Variants in BCL11A observed in about 807,000 individuals in gnomAD.
The protein encoded by BCL11A is BCL11 transcription factor A.
In BCL11A, 2 loss-of-function variants were observed where a neutral mutation model predicts 55.9. The observed-to-expected ratio is 0.04, with a 90% CI of 0.01 to 0.11. The LOEUF is 0.11. Among genes scored for constraint, BCL11A ranks in the 10% least tolerant of loss-of-function variants. The pLI is 1.00. For synonymous variants in BCL11A, 465 were observed against 473.4 expected (o/e 0.98, Z 0.23); for missense variants, 817 against 1,137.1 (o/e 0.72, Z 4.05).
intron 2 of BCL11A, among the ~76,000 whole-genome samples, chr2:60,512,585 A>C (rs1031495897): frequency 5.3e-5 from 8 of 152,174 alleles, no homozygotes; most frequent in African/African-American, 1.9e-4. Flanking sequence ...AAATTGTAAA[A>C]AGTGAGACTA....
chr2:60,536,516 T>C (rs1669676753), intron 2 of BCL11A: 1 of 152,098 alleles, frequency 6.6e-6, no homozygotes, highest in African/African-American at 2.4e-5. Context: ...TTACTCTACA[T>C]GAGTAGAGTT....
At chr2:60,516,461 A>G (rs1013770228) in intron 2 of BCL11A, among the ~76,000 whole-genome samples, 4 of 152,222 alleles carry the variant, frequency 2.6e-5, no homozygotes, top group Admixed American at 6.5e-5. Context: ...GCCACTCACT[A>G]TATTTCTCAG....
intron 2 of BCL11A, among the ~76,000 whole-genome samples, chr2:60,540,674 G>A (rs1669878547): frequency 6.6e-6 from 1 of 152,130 alleles, no homozygotes; most frequent in South Asian, 2.1e-4. Flanking sequence ...CATGGAAGCT[G>A]CAGTGTGAAA....
At chr2:60,533,559 A>G (rs1372801342) in intron 2 of BCL11A, 1 of 152,016 alleles carries the variant, frequency 6.6e-6, no homozygotes, top group African/African-American at 2.4e-5. Flanking sequence ...AAGTATGAAG[A>G]TTTTTTTTGA....
intron 2 of BCL11A, among the ~76,000 whole-genome samples, chr2:60,511,054 G>A (rs1048190363): frequency 6.6e-6 from 1 of 152,212 alleles, no homozygotes. Context: ...GGGCTGTGCA[G>A]CCAACTGCGT....
At chr2:60,518,404 T>C (rs777929103) in intron 2 of BCL11A, among the ~76,000 whole-genome samples, 3 of 152,216 alleles carry the variant, frequency 2.0e-5, no homozygotes, top group Non-Finnish European at 2.9e-5. Flanking sequence ...ACATTTAATT[T>C]AGTTTTAAAA....
intron 2 of BCL11A, chr2:60,534,081 A>G (rs1314959020): frequency 5.3e-5 from 8 of 152,262 alleles, no homozygotes; most frequent in African/African-American, 1.9e-4. Flanking sequence ...TCAATAATAC[A>G]GCACAGGTTA....
intron 1 of BCL11A, among the ~76,000 whole-genome samples, chr2:60,550,067 C>A (rs955872581): frequency 1.3e-5 from 2 of 151,994 alleles, no homozygotes; most frequent in African/African-American, 4.8e-5. Flanking sequence ...CCACCGAGGT[C>A]TGTGCTTTGC....
intron 2 of BCL11A, among the ~76,000 whole-genome samples, chr2:60,529,146 C>G (rs967095507): frequency 1.3e-5 from 2 of 152,244 alleles, no homozygotes; most frequent in African/African-American, 4.8e-5. Flanking sequence ...CCCTGCTCTT[C>G]TCTCATCCCA....
rs1676110062 is a variant in BCL11A, at chr2:60,459,416, C to T, written c.*988G>A. 2.0e-6 allele frequency: 2 copies of T among 1,022,124 alleles called. No individual in the cohort carries two copies. The highest frequency in any genetic ancestry group is 1.7e-5 in the African/African-American group (1 of 58,614). The allele number at this position is 1,022,124 out of a possible 1,614,324, so 63.3% of individuals were successfully genotyped here. A position where few individuals can be genotyped will look rare whatever the true frequency, so the allele number is the denominator to read the frequency against. On this transcript the variant is annotated 3_prime_UTR_variant, in exon 4 of 4. Transcript: ENST00000642384. ...AAAAATAAAACTTTGGGCAAAACAG[C>T]CCATTTCTTTTAAGCTCTCACCAGG...
chr2:60,476,194 G>T (rs138172464), intron 2 of BCL11A, among the ~76,000 whole-genome samples: 341 of 152,284 alleles, frequency 2.2e-3, no homozygotes, highest in African/African-American at 7.9e-3. Flanking sequence ...TTGGTCCCCA[G>T]GCTAATCCTT....
At chr2:60,467,900 G>A (rs1478534742) in intron 3 of BCL11A, among the ~76,000 whole-genome samples, 6 of 93,706 alleles carry the variant, frequency 6.4e-5, no homozygotes, top group Non-Finnish European at 1.4e-4. Flanking sequence ...AGTGATGGTG[G>A]TGGTAATGGT....
chr2:60,453,347 G>A (rs1457435536), downstream of BCL11A, among the ~76,000 whole-genome samples: 2 of 152,246 alleles, frequency 1.3e-5, no homozygotes, highest in Non-Finnish European at 2.9e-5. Flanking sequence ...CTCCCTTGCT[G>A]TGGACATTGA....
chr2:60,461,412 C>G lies in BCL11A; in HGVS notation c.1500G>C (p.Glu500Asp). The G allele has an allele frequency of 6.2e-7, 1 of 1,603,988 alleles. No individual in the cohort carries two copies. The highest frequency in any genetic ancestry group is 8.5e-7 in the Non-Finnish European group (1 of 1,178,300). The change falls in exon 4 of 4, where the codon GAG becomes GAC. Residue 500 changes from glutamate (E) to aspartate (D), a missense_variant. By Grantham distance (45) the Glu-to-Asp change is conservative. This residue lies in a region of BCL11A where 379 missense variants were observed against 425.3 expected (regional missense o/e 0.89). Transcript: ENST00000642384. ...CGCTCTCCGTCAGCTCCTCCTCCTC[C>G]TCTTCCTCCTCTTCTTCCTCTTCCT... Reference protein sequence around the residue: ...DDEEEEEEEEEEEEELTESER... With the variant: ...DDEEEEEEEEDEEEELTESER...
intron 2 of BCL11A, among the ~76,000 whole-genome samples, chr2:60,506,136 A>G (rs377146885): frequency 3.3e-5 from 5 of 152,360 alleles, no homozygotes; most frequent in African/African-American, 1.2e-4. Context: ...GACACCCACC[A>G]TAGAAATCAC....
intron 2 of BCL11A, among the ~76,000 whole-genome samples, chr2:60,510,023 T>A (rs1417127507): frequency 6.6e-6 from 1 of 152,116 alleles, no homozygotes; most frequent in Non-Finnish European, 1.5e-5. Context: ...CCTGCCGGTT[T>A]TCCCTTCGAA....
At chr2:60,544,303 C>T (rs1222505492) in intron 2 of BCL11A, 2 of 152,250 alleles carry the variant, frequency 1.3e-5, no homozygotes, top group Non-Finnish European at 2.9e-5. Context: ...CTTCCGCCTG[C>T]TCTTGCTTCA....
At chr2:60,535,252 A>G (rs1379479599) in intron 2 of BCL11A, 3 of 152,238 alleles carry the variant, frequency 2.0e-5, no homozygotes, top group African/African-American at 7.2e-5. Context: ...TCATCCAAAA[A>G]GCAAAGGGTT....
intron 2 of BCL11A, among the ~76,000 whole-genome samples, chr2:60,498,332 A>G (rs570444660): frequency 6.6e-6 from 1 of 152,082 alleles, no homozygotes; most frequent in South Asian, 2.1e-4. Flanking sequence ...CTCACAGGAC[A>G]TGCAGCAGTG....
Sources: gnomAD v4.1 joint callset for allele counts (sites outside exome capture counted in the v4.1 genomes callset) on GRCh38, gnomAD v4.1.1 for gene constraint, gnomAD v4.1.1 regional missense constraint, MANE v1.5 for transcripts, NCBI Gene and HGNC (gene_info 2026-07-23, HGNC 2026-07-21) for gene names.